MGAT5: variants seen among roughly 807,000 people sequenced by gnomAD.
MGAT5 encodes alpha-1,6-mannosylglycoprotein 6-beta-N-acetylglucosaminyltransferase A.
A neutral mutation model predicts 94.3 loss-of-function variants in MGAT5; 30 were observed. The observed-to-expected ratio is 0.32, with a 90% CI of 0.24 to 0.43. The LOEUF is 0.43. Among genes scored for constraint, MGAT5 ranks in the 20% least tolerant of loss-of-function variants. The pLI is 1.00. For synonymous variants in MGAT5, 310 were observed against 322.9 expected (o/e 0.96, Z 0.43); for missense variants, 691 against 905.5 (o/e 0.76, Z 3.04).
At position 134,381,382 on chromosome 2, in the gene MGAT5, T is replaced by TAGATAAGATAAGATAAGA. The variant is rs1553457734; in HGVS notation, c.1380+18974_1380+18975insAGATAAGATAAGATAAGA. Among the ~76,000 whole-genome samples, 115 of 108,402 alleles carry TAGATAAGATAAGATAAGA rather than the reference T, an allele frequency of 1.1e-3. 2 individuals carry two copies. The highest frequency in any genetic ancestry group is 1.5e-3 in the Non-Finnish European group (76 of 50,254). The allele number at this position is 108,402 out of a possible 152,430, so 71.1% of individuals were successfully genotyped here. A position where few individuals can be genotyped will look rare whatever the true frequency, so the allele number is the denominator to read the frequency against. On this transcript the variant is annotated intron_variant, in intron 10 of 15. Transcript: ENST00000281923. ...AGATAGATAGATAAGATAAGATAGA[T>TAGATAAGATAAGATAAGA]TAGATAGATAGATAGATAGATAGAT...
At chr2:134,430,199 T>C (rs1196125063) in intron 14 of MGAT5, among the ~76,000 whole-genome samples, 2 of 152,238 alleles carry the variant, frequency 1.3e-5, no homozygotes, top group Non-Finnish European at 2.9e-5. Context: ...CAGCTGCTGC[T>C]GAAACCCTCT....
At chr2:134,238,044 C>T (rs1339113070) in intron 1 of MGAT5, among the ~76,000 whole-genome samples, 1 of 152,030 alleles carries the variant, frequency 6.6e-6, no homozygotes, top group East Asian at 1.9e-4. Flanking sequence ...CCACTGCGCC[C>T]GGCCTCCTTT....
chr2:134,318,573 T>C, intron 3 of MGAT5, 77 bp from the exon 4 acceptor site: 1 of 1,081,910 alleles, frequency 9.2e-7, no homozygotes, highest in Non-Finnish European at 1.4e-6. Flanking sequence ...ATCTTCACCA[T>C]TCTATCCTCG....
chr2:134,266,050 G>A (rs1378547959), intron 1 of MGAT5, among the ~76,000 whole-genome samples: 1 of 150,694 alleles, frequency 6.6e-6, no homozygotes, highest in Non-Finnish European at 1.5e-5. Flanking sequence ...TGTAATCCCA[G>A]CTACTCAGGA....
chr2:134,336,794 G>A (rs17783620), intron 5 of MGAT5, among the ~76,000 whole-genome samples: 23,992 of 152,152 alleles, frequency 0.16, 2,069 homozygotes, highest in Middle Eastern at 0.36. Flanking sequence ...GAGCATGCAC[G>A]CATGGTTCAG....
intron 1 of MGAT5, among the ~76,000 whole-genome samples, chr2:134,156,174 G>GCCGC (rs1261710766): frequency 1.3e-5 from 2 of 152,154 alleles, no homozygotes; most frequent in African/African-American, 4.8e-5. Context: ...TTCTGCACAG[G>GCCGC]CCGCCGGTCT....
chr2:134,170,462 G>C (rs1307865089), intron 1 of MGAT5, among the ~76,000 whole-genome samples: 1 of 152,182 alleles, frequency 6.6e-6, no homozygotes, highest in Non-Finnish European at 1.5e-5. Context: ...AGTTGCCCAA[G>C]TGTACAAACC....
chr2:134,272,534 C>G (rs1684095612), intron 2 of MGAT5, among the ~76,000 whole-genome samples: 1 of 152,078 alleles, frequency 6.6e-6, no homozygotes, highest in Non-Finnish European at 1.5e-5. Context: ...CATAAAATGA[C>G]ACAAACCATG....
At chr2:134,271,204 A>G (rs1684005683) in intron 2 of MGAT5, among the ~76,000 whole-genome samples, 1 of 150,820 alleles carries the variant, frequency 6.6e-6, no homozygotes, top group African/African-American at 2.5e-5. Flanking sequence ...TGTTGCCTGC[A>G]GCTCACATTA....
At chr2:134,238,029 G>A (rs1037262795) in intron 1 of MGAT5, among the ~76,000 whole-genome samples, 10 of 152,098 alleles carry the variant, frequency 6.6e-5, no homozygotes, top group East Asian at 1.9e-4. Context: ...GATTACAGGC[G>A]TGAGCCACTG....
chr2:134,441,980 C>T (rs764640071), intron 15 of MGAT5, 65 bp downstream of exon 15: 13 of 1,564,102 alleles, frequency 8.3e-6, no homozygotes, highest in Non-Finnish European at 1.0e-5. Flanking sequence ...GTTGGGTAGT[C>T]AGGTGAGAGG....
intron 9 of MGAT5, among the ~76,000 whole-genome samples, chr2:134,357,458 C>T (rs1679818750): frequency 6.6e-6 from 1 of 152,190 alleles, no homozygotes; most frequent in Non-Finnish European, 1.5e-5. Flanking sequence ...AATTTTAGAA[C>T]CAAGTCAATT....
At chr2:134,336,340 C>A in intron 5 of MGAT5, 52 bp downstream of exon 5, 2 of 1,414,168 alleles carry the variant, frequency 1.4e-6, no homozygotes, top group South Asian at 1.2e-5. Flanking sequence ...GGTCAGATGC[C>A]AAGTGATACA....
rs373376307 is a variant in MGAT5, at chr2:134,294,536, G to A, written c.407-22993G>A. ...TGTAGTTGTGAATGCCAAGGGCTTG[G>A]TTTTATAGAAGGTAGGTGTAAAAAA... On this transcript the variant is annotated intron_variant, in intron 2 of 15. Coordinates refer to ENST00000281923, the MANE Select transcript of MGAT5 (RefSeq NM_002410.5). Among the ~76,000 whole-genome samples, 3 of 152,152 alleles carry A rather than the reference G, an allele frequency of 2.0e-5. No individual in the cohort carries two copies. The East Asian group carries it at 5.8e-4, about 29-fold the overall frequency.
At chr2:134,282,606 G>T (rs1684759897) in intron 2 of MGAT5, among the ~76,000 whole-genome samples, 1 of 152,158 alleles carries the variant, frequency 6.6e-6, no homozygotes, top group Non-Finnish European at 1.5e-5. Context: ...TCTGTGCCAG[G>T]CACTGTCTAG....
chr2:134,228,398 T>TA (rs1477520967), intron 1 of MGAT5, among the ~76,000 whole-genome samples: 5 of 152,230 alleles, frequency 3.3e-5, no homozygotes, highest in African/African-American at 1.2e-4. Flanking sequence ...CCTAGTTGCC[T>TA]AAAAGGTCCT....
intron 12 of MGAT5, among the ~76,000 whole-genome samples, chr2:134,416,041 A>G (rs1222646056): frequency 1.3e-5 from 2 of 152,144 alleles, no homozygotes; most frequent in African/African-American, 4.8e-5. Flanking sequence ...CAAATTGTAG[A>G]TATTATTTTT....
intron 4 of MGAT5, among the ~76,000 whole-genome samples, chr2:134,332,677 A>G (rs1405151004): frequency 7.9e-5 from 12 of 152,262 alleles, no homozygotes; most frequent in Admixed American, 1.3e-4. Flanking sequence ...GAAAATTTTC[A>G]CAACCTACTC....
rs1553499213 is a variant in MGAT5, at chr2:134,237,149, G to GTGTGTGTGTGTGTGCA, written c.-142-17113_-142-17112insTGTGTGTGTGTGTGCA. Among the ~76,000 whole-genome samples the GTGTGTGTGTGTGTGCA allele has an allele frequency of 4.8e-3, 423 of 87,798 alleles. 1 individual carries two copies. The highest frequency in any genetic ancestry group is 0.027 in the East Asian group (131 of 4,840). 57.6% of individuals were successfully genotyped at this position (87,798 alleles called of 152,430 possible). ...TGTGTGTGTGTGTGTGTGTGTGTGT[G>GTGTGTGTGTGTGTGCA]CGCGTGTGTGTGAATTTTTACCCTC... On this transcript the variant is annotated intron_variant, in intron 1 of 16. Transcript: ENST00000409645.
Sources: gnomAD v4.1 joint callset for allele counts (sites outside exome capture counted in the v4.1 genomes callset) on GRCh38, gnomAD v4.1.1 for gene constraint, MANE v1.5 for transcripts, NCBI Gene and HGNC (gene_info 2026-07-23, HGNC 2026-07-21) for gene names.